UBE2QL1: variants seen among roughly 807,000 people sequenced by gnomAD.
UBE2QL1 encodes the protein ubiquitin conjugating enzyme E2 QL1, also known as ubiquitin-conjugating enzyme E2Q-like protein 1.
UBE2QL1 carries 5 observed loss-of-function variants against 12.6 expected under a neutral mutation model. That is an observed-to-expected ratio of 0.40 (90% confidence interval 0.21 to 0.83). The LOEUF is 0.83. Ranked by LOEUF, UBE2QL1 falls within the 40% of genes least tolerant of loss-of-function variation. The pLI is 0.37. For missense variants in UBE2QL1, 99 were observed against 222.6 expected (o/e 0.44, Z 3.53); for synonymous variants, 96 against 94.5 (o/e 1.02, Z -0.10).
At chr5:6,468,917 AT>A (rs1362075791) in intron 1 of UBE2QL1, among the ~76,000 whole-genome samples, 2 of 152,216 alleles carry the variant, frequency 1.3e-5, no homozygotes, top group African/African-American at 4.8e-5. Flanking sequence ...AGACAAATTC[AT>A]TAAAATATCC....
At chr5:6,463,627 T>C (rs892686949) in intron 1 of UBE2QL1, among the ~76,000 whole-genome samples, 4 of 146,606 alleles carry the variant, frequency 2.7e-5, no homozygotes, top group Non-Finnish European at 4.5e-5. Flanking sequence ...TTATTATTAT[T>C]ATTATTATTA....
chr5:6,452,056 AG>A (rs1281139326), intron 1 of UBE2QL1, among the ~76,000 whole-genome samples: 1 of 152,196 alleles, frequency 6.6e-6, no homozygotes. Context: ...GAGTTAGAAA[AG>A]GCTGGTTTGC....
chr5:6,451,386 C>G (rs1453066761), intron 1 of UBE2QL1, among the ~76,000 whole-genome samples: 3 of 152,116 alleles, frequency 2.0e-5, no homozygotes, highest in African/African-American at 7.2e-5. Context: ...ATAAAATACA[C>G]GGGTCCTTGT....
intron 1 of UBE2QL1, among the ~76,000 whole-genome samples, chr5:6,466,495 T>C (rs1739797940): frequency 6.6e-6 from 1 of 152,214 alleles, no homozygotes. Context: ...GGCTGGGCAG[T>C]GTGGCCCCTG....
At chr5:6,456,619 C>T (rs1358360655) in intron 1 of UBE2QL1, among the ~76,000 whole-genome samples, 1 of 152,214 alleles carries the variant, frequency 6.6e-6, no homozygotes, top group Non-Finnish European at 1.5e-5. Flanking sequence ...ATTCACTGAG[C>T]ACTGTAGTGA....
chr5:6,450,053 T>C (rs1052682441), intron 1 of UBE2QL1, among the ~76,000 whole-genome samples: 6 of 151,454 alleles, frequency 4.0e-5, no homozygotes, highest in Non-Finnish European at 7.4e-5. Flanking sequence ...GGCGGCGGTG[T>C]GGTTTGGGCA....
At chr5:6,490,472 G>A (rs1734546694) in intron 1 of UBE2QL1, among the ~76,000 whole-genome samples, 1 of 152,200 alleles carries the variant, frequency 6.6e-6, no homozygotes, top group Non-Finnish European at 1.5e-5. Context: ...GAACACGCCT[G>A]GTCACTGTGA....
Position 6,449,335 on chromosome 5 carries a change from G to C in UBE2QL1, c.354+88G>C, listed in dbSNP as rs372841882. ...CGCCCGGGCCCCGTGGTGAGGGCCAGCGCCGGCCCCTCCGGCCATCTCGCT... is the reference window on the plus strand; with the variant it reads ...CGCCCGGGCCCCGTGGTGAGGGCCACCGCCGGCCCCTCCGGCCATCTCGCT... On this transcript the variant is annotated intron_variant, in intron 1 of 1. Coordinates refer to ENST00000399816, the MANE Select transcript of UBE2QL1 (RefSeq NM_001145161.3). The C allele has an allele frequency of 1.2e-4, 141 of 1,219,554 alleles. 1 individual carries two copies. The African/African-American group carries it at 1.4e-3, about 12-fold the overall frequency. 75.5% of individuals were successfully genotyped at this position (1,219,554 alleles called of 1,614,324 possible).
chr5:6,491,413 CCT>C lies in UBE2QL1; in HGVS notation c.*66_*67del, dbSNP rs1178714221. The C allele has an allele frequency of 2.0e-6, 3 of 1,474,414 alleles. No individual in the cohort carries two copies. In the African/African-American group the frequency reaches 4.3e-5, roughly 21 times the overall value. 91.3% of individuals were successfully genotyped at this position (1,474,414 alleles called of 1,614,324 possible). ...CACACACACCAGTACCCTGACATCT[CCT>C]CAATGCTGTGCATCCTCCACCCGTT... is the stretch of plus-strand genomic sequence containing the variant. On this transcript the variant is annotated 3_prime_UTR_variant, in exon 2 of 2. Coordinates refer to ENST00000399816, the MANE Select transcript of UBE2QL1 (RefSeq NM_001145161.3).
intron 1 of UBE2QL1, among the ~76,000 whole-genome samples, chr5:6,463,631 A>ATTATTATT (rs1332184591): frequency 4.1e-5 from 6 of 145,808 alleles, no homozygotes; most frequent in Non-Finnish European, 7.5e-5. Flanking sequence ...TATTATTATT[A>ATTATTATT]TTATTATTAT....
In UBE2QL1 at chr5:6,481,677, C is replaced by T. The variant is rs1734365221; in HGVS notation, c.355-9541C>T. ...TGGCTCGGGCCTCCCACTGATCCTT[C>T]CCCCAGCCTTGCCCACATGACCTTA... On this transcript the variant is annotated intron_variant, in intron 1 of 1. Transcript: ENST00000399816. This position sits in a 1 kb window ranked among gnomAD's most constrained non-coding sequence, Gnocchi z 4.5. 6.6e-6 allele frequency among the ~76,000 whole-genome samples: 1 copy of T among 152,194 alleles called. No individual in the cohort carries two copies. The highest frequency in any genetic ancestry group is 1.5e-5 in the Non-Finnish European group (1 of 68,030).
chr5:6,477,276 C>G (rs1734252348), intron 1 of UBE2QL1, among the ~76,000 whole-genome samples: 1 of 152,248 alleles, frequency 6.6e-6, no homozygotes, highest in African/African-American at 2.4e-5. Flanking sequence ...GACCAAGTCG[C>G]CATTTTAGTC....
rs193098993 is a variant in UBE2QL1 at position 6,491,207 on chromosome 5, A to G, written c.355-11A>G. 1.3e-6 allele frequency: 2 copies of G among 1,526,806 alleles called. No homozygotes were observed. The highest frequency in any genetic ancestry group is 2.8e-5 in the African/African-American group (2 of 71,448). 94.6% of individuals were successfully genotyped at this position (1,526,806 alleles called of 1,614,324 possible). ...ACGTTCTAACCTGGTTTTTCTTCTC[A>G]TCTCACGCAGGGACGGATCTGTAGA... On this transcript the variant is annotated splice_polypyrimidine_tract_variant and intron_variant, in intron 1 of 1. Transcript: ENST00000399816.
rs1259661287 is a variant in UBE2QL1 at position 6,495,761 on chromosome 5, T to C, written c.*4412T>C. The stretch of plus-strand genomic sequence containing the variant: ...GCCTATGGGACTGTAGTCAGAACTT[T>C]GTAATTTTTTTCTCCAAAGACAGTG... On this transcript the variant is annotated 3_prime_UTR_variant, in exon 2 of 2. Coordinates refer to ENST00000399816, the MANE Select transcript of UBE2QL1 (RefSeq NM_001145161.3). 6.6e-6 allele frequency among the ~76,000 whole-genome samples: 1 copy of C among 152,206 alleles called. No individual in the cohort carries two copies. Among genetic ancestry groups the C allele is most frequent in the Non-Finnish European group, 1.5e-5 (1 of 68,036 alleles).
intron 1 of UBE2QL1, among the ~76,000 whole-genome samples, chr5:6,465,794 CGCA>C (rs1203373004): frequency 6.6e-6 from 1 of 152,198 alleles, no homozygotes; most frequent in East Asian, 1.9e-4. Context: ...AGCTCCAGGG[CGCA>C]GCAGAAGAGC....
chr5:6,480,601 C>T (rs532542514), intron 1 of UBE2QL1, among the ~76,000 whole-genome samples: 6 of 152,152 alleles, frequency 3.9e-5, no homozygotes, highest in South Asian at 2.1e-4. Context: ...CCTTTTTCTG[C>T]GCTTGCTTCC....
Position 6,486,098 on chromosome 5 carries a change from C to A in UBE2QL1, c.355-5120C>A, listed in dbSNP as rs139131212. On this transcript the variant is annotated intron_variant, in intron 1 of 1. Coordinates refer to ENST00000399816, the MANE Select transcript of UBE2QL1 (RefSeq NM_001145161.3). ...TGTTCACCCTGTGCCTGGCATTGGGCAAAGCATCTTTTATGTTTTAACATA... is the reference window on the plus strand; with the variant it reads ...TGTTCACCCTGTGCCTGGCATTGGGAAAAGCATCTTTTATGTTTTAACATA... Among the ~76,000 whole-genome samples the A allele has an allele frequency of 3.5e-3, 538 of 152,252 alleles. 7 individuals carry two copies. Among genetic ancestry groups the A allele is most frequent in the African/African-American group, 0.011 (463 of 41,548 alleles).
At position 6,491,574 on chromosome 5, in the gene UBE2QL1, C is replaced by G. The variant is rs112312271; in HGVS notation, c.*225C>G. The G allele has an allele frequency of 0.011, 4,848 of 460,352 alleles. 37 individuals carry two copies. The highest frequency in any genetic ancestry group is 0.013 in the Non-Finnish European group (3,804 of 285,244). 28.5% of individuals were successfully genotyped at this position (460,352 alleles called of 1,614,324 possible). Reference sequence around the variant, plus strand: ...TTCGATTATAAATGAATGATCACCTCGAAGTCACTTTAGAACACATGTTGA... The same window carrying G: ...TTCGATTATAAATGAATGATCACCTGGAAGTCACTTTAGAACACATGTTGA... On this transcript the variant is annotated 3_prime_UTR_variant, in exon 2 of 2. Coordinates refer to ENST00000399816, the MANE Select transcript of UBE2QL1 (RefSeq NM_001145161.3).
At chr5:6,449,868 A>ACCCCCCCCCCCCC (rs5865654) in intron 1 of UBE2QL1, among the ~76,000 whole-genome samples, 5 of 117,182 alleles carry the variant, frequency 4.3e-5, no homozygotes, top group Non-Finnish European at 5.3e-5. Flanking sequence ...CACCTCCCCA[A>ACCCCCCCCCCCCC]CCCCCCCCAC....
Sources: allele counts gnomAD v4.1 joint callset (sites outside exome capture counted in the v4.1 genomes callset), GRCh38; gene constraint gnomAD v4.1.1; non-coding constraint Gnocchi (gnomAD v3.1); transcripts MANE v1.5; gene names NCBI Gene and HGNC (gene_info 2026-07-23, HGNC 2026-07-21).